CRTAM: variants seen among roughly 807,000 people sequenced by gnomAD.
CRTAM encodes the protein cytotoxic and regulatory T-cell molecule.
A neutral mutation model predicts 50.0 loss-of-function variants in CRTAM; 44 were observed. The observed-to-expected ratio is 0.88, with a 90% CI of 0.69 to 1.13. The LOEUF (loss-of-function observed/expected upper bound fraction) is 1.13, where lower values mean the gene tolerates loss of function less well. Ranked by LOEUF, CRTAM falls within the 50% of genes most tolerant of loss-of-function variation. CRTAM has a pLI of 0.00. For synonymous variants in CRTAM, 159 were observed against 169.3 expected, an observed-to-expected ratio of 0.94 and a Z score of 0.47; for missense variants, 448 against 457.5, an observed-to-expected ratio of 0.98 and a Z score of 0.19.
rs542863613 is a variant in CRTAM, at chr11:122,865,488, T to C, written c.817+769T>C. Among the ~76,000 whole-genome samples, 5 of 152,040 alleles carry C rather than the reference T, an allele frequency of 3.3e-5. No individual in the cohort carries two copies. In the South Asian group the frequency reaches 1.0e-3, roughly 32 times the overall value. Reference sequence around the variant, plus strand: ...CCCAGGCCAGGGTGCAGGGGCACGATCATGTTCACCGCAGCCTTGAACTCC... The same window carrying C: ...CCCAGGCCAGGGTGCAGGGGCACGACCATGTTCACCGCAGCCTTGAACTCC... On this transcript the variant is annotated intron_variant, in intron 7 of 9. Transcript: ENST00000227348.
At chr11:122,855,274 C>T (rs1448206283) in intron 4 of CRTAM, among the ~76,000 whole-genome samples, 3 of 152,090 alleles carry the variant, frequency 2.0e-5, no homozygotes, top group African/African-American at 4.8e-5. Context: ...TTGCAAAGGA[C>T]CCTTTACAGT....
rs115270560 is a variant in CRTAM, at chr11:122,842,236, A to G, written c.46+3644A>G. The stretch of plus-strand genomic sequence containing the variant: ...GAAGCCATAGCAAACACTTGAATGA[A>G]GGAAGAGACATAATCAAATTCATGG... On this transcript the variant is annotated intron_variant, in intron 1 of 9. Transcript: ENST00000227348. Among the ~76,000 whole-genome samples the G allele has an allele frequency of 1.6e-3, 243 of 152,312 alleles. 2 individuals carry two copies. Among genetic ancestry groups the G allele is most frequent in the African/African-American group, 5.5e-3 (227 of 41,574 alleles).
At chr11:122,850,272 G>C (rs1414960650) in intron 2 of CRTAM, 58 bp downstream of exon 2, 9 of 1,502,820 alleles carry the variant, frequency 6.0e-6, no homozygotes, top group Non-Finnish European at 8.1e-6. Flanking sequence ...GGTTTTTCCA[G>C]CCGGACAGTT....
chr11:122,853,929 C>T lies in CRTAM; in HGVS notation c.347-14C>T. 1 of 1,611,992 alleles carries T rather than the reference C, an allele frequency of 6.2e-7. No homozygotes were observed. Among genetic ancestry groups the T allele is most frequent in the Non-Finnish European group, 8.5e-7 (1 of 1,179,160 alleles). On this transcript the variant is annotated splice_polypyrimidine_tract_variant and intron_variant, in intron 3 of 9. Transcript: ENST00000227348. ...TCATATCTAATTAACACAGAAAAAT[C>T]CATTTTGTTCTAGCAACTCCTTTCA...
chr11:122,842,233 T>A (rs916507879), intron 1 of CRTAM, among the ~76,000 whole-genome samples: 1 of 152,192 alleles, frequency 6.6e-6, no homozygotes, highest in African/African-American at 2.4e-5. Flanking sequence ...AACACTTGAA[T>A]GAAGGAAGAG....
At chr11:122,848,867 A>C (rs1384795159) in intron 1 of CRTAM, among the ~76,000 whole-genome samples, 2 of 152,252 alleles carry the variant, frequency 1.3e-5, no homozygotes, top group Admixed American at 1.3e-4. Flanking sequence ...CAAATAATTT[A>C]ATTTATAATA....
chr11:122,850,056 C>G lies in CRTAM; in HGVS notation c.47-12C>G. On this transcript the variant is annotated splice_polypyrimidine_tract_variant and intron_variant, in intron 1 of 9. Transcript: ENST00000227348. ...CCCCGGCCTGATCATCCCCATTTCT[C>G]TTCCTCCACAGAGGCCTCTCTGACT... 1 of 1,585,686 alleles carries G rather than the reference C, an allele frequency of 6.3e-7. No homozygotes were observed. The highest frequency in any genetic ancestry group is 1.1e-5 in the South Asian group (1 of 88,258).
chr11:122,861,416 ATAT>A (rs1448047055), intron 5 of CRTAM, among the ~76,000 whole-genome samples: 1 of 21,878 alleles, frequency 4.6e-5, no homozygotes, highest in Non-Finnish European at 7.6e-5. Context: ...ATATATATAT[ATAT>A]ATTTTTTTTT....
intron 2 of CRTAM, 51 bp from the exon 3 acceptor site, chr11:122,851,642 C>T (rs755346745): frequency 3.8e-6 from 6 of 1,580,008 alleles, no homozygotes; most frequent in African/African-American, 2.7e-5. Context: ...TAGAGGCCAA[C>T]GATTCATCGG....
chr11:122,856,075 C>G (rs2135242015), intron 5 of CRTAM, among the ~76,000 whole-genome samples: 1 of 152,270 alleles, frequency 6.6e-6, no homozygotes, highest in Middle Eastern at 3.4e-3. Flanking sequence ...AGCAGAAAGC[C>G]TAGCACAGCG....
chr11:122,849,981 A>G lies in CRTAM; in HGVS notation c.47-87A>G, dbSNP rs1565288496. Reference sequence around the variant, plus strand: ...TTTTGGTTTCTAGAAGAAATAGATAATACATGATTGAATGAATGAACGAGA... The same window carrying G: ...TTTTGGTTTCTAGAAGAAATAGATAGTACATGATTGAATGAATGAACGAGA... On this transcript the variant is annotated intron_variant, in intron 1 of 9. Transcript: ENST00000227348. 3 of 1,333,718 alleles carry G rather than the reference A, an allele frequency of 2.2e-6. No homozygotes were observed. In the East Asian group the frequency reaches 7.2e-5, roughly 32 times the overall value. 82.6% of individuals were successfully genotyped at this position (1,333,718 alleles called of 1,614,324 possible). A position where few individuals can be genotyped will look rare whatever the true frequency, so the allele number is the denominator to read the frequency against.
rs1284005984 is a variant in CRTAM, at chr11:122,838,519, C to A, written c.-28C>A. Reference sequence around the variant, plus strand: ...TGTCTCAGAATCTAGAGGAAGTTGACAAAGGTGCCACAGCAGCACAGCACA... The same window carrying A: ...TGTCTCAGAATCTAGAGGAAGTTGAAAAAGGTGCCACAGCAGCACAGCACA... On this transcript the variant is annotated 5_prime_UTR_variant, in exon 1 of 10. Coordinates refer to ENST00000227348, the MANE Select transcript of CRTAM (RefSeq NM_019604.4). 2 of 1,611,696 alleles carry A rather than the reference C, an allele frequency of 1.2e-6. No homozygotes were observed. Among genetic ancestry groups the A allele is most frequent in the Non-Finnish European group, 8.5e-7 (1 of 1,178,888 alleles).
rs192052373 is a variant in CRTAM, at chr11:122,841,948, A to G, written c.46+3356A>G. Reference sequence around the variant, plus strand: ...AAGGCCTGTTTTGGAAGTTTTGACAAAAGTTGTGTAATTTGAGTTGAGCCT... The same window carrying G: ...AAGGCCTGTTTTGGAAGTTTTGACAGAAGTTGTGTAATTTGAGTTGAGCCT... On this transcript the variant is annotated intron_variant, in intron 1 of 9. Coordinates refer to ENST00000227348, the MANE Select transcript of CRTAM (RefSeq NM_019604.4). Among the ~76,000 whole-genome samples, 20 of 152,320 alleles carry G rather than the reference A, an allele frequency of 1.3e-4. No homozygotes were observed. The East Asian group carries it at 3.9e-3, about 29-fold the overall frequency.
rs1244147699 is a variant in CRTAM, at chr11:122,863,351, A to AAGAAAGAAAG, written c.733+808_733+809insGAAAGAAAGA. On this transcript the variant is annotated intron_variant, in intron 6 of 9. Coordinates refer to ENST00000227348, the MANE Select transcript of CRTAM (RefSeq NM_019604.4). ...AAAGAAAGAAAGAAAGAAAGAAAGAAAAAGAAAGAAAGAAAGAAAAAGAAA... is the reference window on the plus strand; with the variant it reads ...AAAGAAAGAAAGAAAGAAAGAAAGAAAGAAAGAAAGAAAGAAAGAAAGAAAGAAAAAGAAA... Among the ~76,000 whole-genome samples the AAGAAAGAAAG allele has an allele frequency of 3.4e-3, 205 of 60,708 alleles. 1 individual carries two copies. Among genetic ancestry groups the AAGAAAGAAAG allele is most frequent in the African/African-American group, 7.9e-3 (195 of 24,772 alleles). 39.8% of individuals were successfully genotyped at this position (60,708 alleles called of 152,430 possible).
At chr11:122,851,877 G>A (rs754115394) in intron 3 of CRTAM, 32 bp downstream of exon 3, 20 of 1,603,110 alleles carry the variant, frequency 1.2e-5, no homozygotes, top group Non-Finnish European at 1.7e-5. Flanking sequence ...CAGTAGGGGA[G>A]CAATATGGAT....
At chr11:122,865,597 T>C (rs746037361) in intron 7 of CRTAM, among the ~76,000 whole-genome samples, 1 of 152,132 alleles carries the variant, frequency 6.6e-6, no homozygotes, top group African/African-American at 2.4e-5. Flanking sequence ...GCAAAAGATT[T>C]CTATACCTAT....
At chr11:122,867,811 C>A (rs1046664553) in intron 8 of CRTAM, among the ~76,000 whole-genome samples, 1 of 152,100 alleles carries the variant, frequency 6.6e-6, no homozygotes, top group Non-Finnish European at 1.5e-5. Context: ...CTTCTATTCA[C>A]AGAAGGATAA....
intron 4 of CRTAM, 132 bp downstream of exon 4, chr11:122,854,218 G>C (rs56074101): frequency 0.1 from 83,733 of 820,168 alleles, 4,895 homozygotes; most frequent in African/African-American, 0.13. Context: ...CTCTTTTCCA[G>C]ACAAGTTATT....
chr11:122,839,680 T>C (rs1861776421), intron 1 of CRTAM, among the ~76,000 whole-genome samples: 1 of 152,176 alleles, frequency 6.6e-6, no homozygotes, highest in Admixed American at 6.5e-5. Context: ...TGTATCAGAT[T>C]CATGCAAAGG....
Sources: allele counts gnomAD v4.1 joint callset (sites outside exome capture counted in the v4.1 genomes callset), GRCh38; gene constraint gnomAD v4.1.1; transcripts MANE v1.5; gene names NCBI Gene and HGNC (gene_info 2026-07-23, HGNC 2026-07-21).